CCDC91: variants seen among roughly 807,000 people sequenced by gnomAD.
The protein encoded by CCDC91 is coiled-coil domain containing 91.
Under a neutral mutation model 63.2 loss-of-function variants are expected in CCDC91, and 48 were observed. The ratio of observed to expected loss-of-function variants is 0.76; its 90% confidence interval spans 0.60 to 0.97. The LOEUF is 0.97. Among genes scored for constraint, CCDC91 ranks in the 50% least tolerant of loss-of-function variants. The pLI, the probability that CCDC91 is intolerant of heterozygous loss-of-function variation, is 0.00. For synonymous variants in CCDC91, 167 were observed against 165.8 expected, an observed-to-expected ratio of 1.01 and a Z score of -0.06; for missense variants, 500 against 494.6, an observed-to-expected ratio of 1.01 and a Z score of -0.10.
chr12:28,316,437 A>G lies in CCDC91; in HGVS notation c.576+8688A>G, dbSNP rs556482699. Among the ~76,000 whole-genome samples the G allele has an allele frequency of 5.3e-5, 8 of 149,700 alleles. 1 individual carries two copies. Among genetic ancestry groups the G allele is most frequent in the East Asian group, 2.0e-4 (1 of 5,008 alleles). On this transcript the variant is annotated intron_variant, in intron 6 of 12. Coordinates refer to ENST00000536442, the MANE Select transcript of CCDC91 (RefSeq NM_018318.5). ...TTCTGAGTTGTTCTAACTTTGGTTT[A>G]TGTTGTTCTTTAATCTACTTTATCA... is the stretch of plus-strand genomic sequence containing the variant.
chr12:28,369,943 A>C (rs954214983), intron 7 of CCDC91, among the ~76,000 whole-genome samples: 3 of 152,106 alleles, frequency 2.0e-5, no homozygotes, highest in African/African-American at 7.2e-5. Flanking sequence ...CGGCCCTGAG[A>C]CCATCCCACA....
At position 28,237,149 on chromosome 12, in the gene CCDC91, C is replaced by A. The variant is rs536369665; in HGVS notation, c.-14-20053C>A. On this transcript the variant is annotated intron_variant, in intron 1 of 12. Coordinates refer to ENST00000536442, the MANE Select transcript of CCDC91 (RefSeq NM_018318.5). ...TTAATTATTTTCTTTGATTTTCATGCAACTCTAAATATATCCCTCACTAAT... is the reference window on the plus strand; with the variant it reads ...TTAATTATTTTCTTTGATTTTCATGAAACTCTAAATATATCCCTCACTAAT... 9.3e-5 allele frequency among the ~76,000 whole-genome samples: 14 copies of A among 151,322 alleles called. No individual in the cohort carries two copies. The South Asian group carries it at 1.5e-3, about 16-fold the overall frequency.
chr12:28,370,864 G>A (rs1007064543), intron 7 of CCDC91, among the ~76,000 whole-genome samples: 3 of 152,068 alleles, frequency 2.0e-5, no homozygotes, highest in Non-Finnish European at 4.4e-5. Flanking sequence ...ACACTTTTAA[G>A]CTGTCAGATC....
chr12:28,336,135 G>A (rs1314492114), intron 6 of CCDC91, among the ~76,000 whole-genome samples: 1 of 151,174 alleles, frequency 6.6e-6, no homozygotes, highest in East Asian at 1.9e-4. Context: ...GTAATAAATA[G>A]AAAAAATAAA....
At chr12:28,284,677 T>C (rs1217607539) in intron 3 of CCDC91, among the ~76,000 whole-genome samples, 1 of 149,524 alleles carries the variant, frequency 6.7e-6, no homozygotes, top group African/African-American at 2.5e-5. Context: ...GAAAAAGAAA[T>C]AGTGATTGTT....
intron 12 of CCDC91, among the ~76,000 whole-genome samples, chr12:28,503,484 G>A (rs998394210): frequency 2.6e-5 from 4 of 152,152 alleles, no homozygotes; most frequent in African/African-American, 9.7e-5. Flanking sequence ...TACACTGTTG[G>A]TGGGACTGTA....
At position 28,496,319 on chromosome 12, in the gene CCDC91, C is replaced by T. The variant is rs548307275; in HGVS notation, c.1215+12154C>T. 4.0e-5 allele frequency among the ~76,000 whole-genome samples: 6 copies of T among 151,614 alleles called. No individual in the cohort carries two copies. The East Asian group carries it at 5.8e-4, about 15-fold the overall frequency. On this transcript the variant is annotated intron_variant, in intron 12 of 12. Coordinates refer to ENST00000536442, the MANE Select transcript of CCDC91 (RefSeq NM_018318.5). Reference sequence around the variant, plus strand: ...CAAATTTGGATACTTCTATTATCATCGTCACGAGCAAAATAGATGCTATAC... The same window carrying T: ...CAAATTTGGATACTTCTATTATCATTGTCACGAGCAAAATAGATGCTATAC...
chr12:28,191,640 A>C (rs1024992731), intron 1 of CCDC91, among the ~76,000 whole-genome samples: 122 of 150,658 alleles, frequency 8.1e-4, no homozygotes, highest in African/African-American at 2.8e-3. Flanking sequence ...TCCCCCCCCC[A>C]CAATATTTAG....
intron 11 of CCDC91, among the ~76,000 whole-genome samples, chr12:28,454,629 C>G (rs1427592219): frequency 2.0e-5 from 3 of 152,120 alleles, no homozygotes; most frequent in African/African-American, 4.8e-5. Flanking sequence ...TCACAGGCCC[C>G]CAGGCATCAG....
At chr12:28,263,279 T>A (rs1004316075) in intron 3 of CCDC91, among the ~76,000 whole-genome samples, 1 of 152,042 alleles carries the variant, frequency 6.6e-6, no homozygotes, top group Admixed American at 6.6e-5. Context: ...ATTTACCATC[T>A]TAACTATTTT....
intron 1 of CCDC91, among the ~76,000 whole-genome samples, chr12:28,254,452 TTAGA>T (rs1946312357): frequency 6.6e-6 from 1 of 152,180 alleles, no homozygotes; most frequent in South Asian, 2.1e-4. Flanking sequence ...AGAATGCACT[TTAGA>T]TAAAGTAAAT....
chr12:28,505,689 C>T (rs1938621157), intron 12 of CCDC91, among the ~76,000 whole-genome samples: 1 of 151,914 alleles, frequency 6.6e-6, no homozygotes, highest in Non-Finnish European at 1.5e-5. Context: ...CAAAGAGCAA[C>T]CACATCCAAG....
intron 1 of CCDC91, among the ~76,000 whole-genome samples, chr12:28,191,556 G>A (rs943816771): frequency 6.6e-6 from 1 of 152,132 alleles, no homozygotes; most frequent in African/African-American, 2.4e-5. Flanking sequence ...ATGGTTTTTG[G>A]AAGCAGTTTG....
rs185647393 is a variant in CCDC91, at chr12:28,338,099, C to T, written c.577-24339C>T. On this transcript the variant is annotated intron_variant, in intron 6 of 12. Coordinates refer to ENST00000536442, the MANE Select transcript of CCDC91 (RefSeq NM_018318.5). ...GCAAATAGATGAATTTGTAGTTTCTCAGGTGGTGATGGTGCTTTGAAGAAA... is the reference window on the plus strand; with the variant it reads ...GCAAATAGATGAATTTGTAGTTTCTTAGGTGGTGATGGTGCTTTGAAGAAA... Among the ~76,000 whole-genome samples, 156 of 152,128 alleles carry T rather than the reference C, an allele frequency of 1.0e-3. 1 individual carries two copies. The highest frequency in any genetic ancestry group is 3.4e-3 in the African/African-American group (141 of 41,522).
intron 3 of CCDC91, among the ~76,000 whole-genome samples, chr12:28,302,182 G>A (rs138470129): frequency 8.4e-4 from 128 of 151,910 alleles, no homozygotes; most frequent in African/African-American, 3.0e-3. Flanking sequence ...CCCATATATT[G>A]TTATGCAATG....
intron 8 of CCDC91, among the ~76,000 whole-genome samples, chr12:28,414,046 G>A (rs1947489199): frequency 6.6e-6 from 1 of 152,150 alleles, no homozygotes; most frequent in Non-Finnish European, 1.5e-5. Flanking sequence ...CACTTGGAGG[G>A]AATCTCCTCA....
chr12:28,282,304 C>CT (rs931506140), intron 3 of CCDC91, among the ~76,000 whole-genome samples: 1 of 152,246 alleles, frequency 6.6e-6, no homozygotes, highest in Admixed American at 6.5e-5. Flanking sequence ...GCTGACTACT[C>CT]TGTGTGCTTT....
chr12:28,445,820 C>T (rs1410743509), intron 8 of CCDC91, among the ~76,000 whole-genome samples: 5 of 152,268 alleles, frequency 3.3e-5, no homozygotes. Flanking sequence ...TACGCGAGTG[C>T]TCTTTTCCCC....
chr12:28,221,179 T>TCC (rs1403680841), intron 1 of CCDC91, among the ~76,000 whole-genome samples: 2 of 152,164 alleles, frequency 1.3e-5, no homozygotes, highest in Non-Finnish European at 2.9e-5. Flanking sequence ...CAGTGTTTAA[T>TCC]ATGCTGTTAA....
Sources: allele counts gnomAD v4.1 joint callset (sites outside exome capture counted in the v4.1 genomes callset), GRCh38; gene constraint gnomAD v4.1.1; transcripts MANE v1.5; gene names NCBI Gene and HGNC (gene_info 2026-07-23, HGNC 2026-07-21).